CDH4: variants seen among roughly 807,000 people sequenced by gnomAD.
CDH4 encodes cadherin 4.
CDH4 carries 33 observed loss-of-function variants against 86.0 expected under a neutral mutation model. That is an observed-to-expected ratio of 0.38 (90% confidence interval 0.29 to 0.51). The LOEUF (loss-of-function observed/expected upper bound fraction) is 0.51, where lower values mean the gene tolerates loss of function less well. Among genes scored for constraint, CDH4 ranks in the 20% least tolerant of loss-of-function variants. CDH4 has a pLI of 0.86. For missense variants in CDH4, 1,114 were observed against 1,307.4 expected (o/e 0.85, Z 2.28); for synonymous variants, 555 against 549.4 (o/e 1.01, Z -0.14).
chr20:61,752,704 C>T (rs1231406071), intron 3 of CDH4, among the ~76,000 whole-genome samples: 1 of 152,224 alleles, frequency 6.6e-6, no homozygotes, highest in Non-Finnish European at 1.5e-5. Flanking sequence ...AGTGAACAAA[C>T]TGCAGCTAGA....
intron 2 of CDH4, among the ~76,000 whole-genome samples, chr20:61,639,584 C>T (rs879773261): frequency 1.3e-5 from 2 of 152,266 alleles, no homozygotes; most frequent in African/African-American, 4.8e-5. Context: ...TGATGAGACC[C>T]GGAGTGCAAC....
At chr20:61,386,215 G>C (rs1340524521) in intron 2 of CDH4, among the ~76,000 whole-genome samples, 1 of 152,172 alleles carries the variant, frequency 6.6e-6, no homozygotes, top group East Asian at 1.9e-4. Context: ...GCCCCTGTGG[G>C]TGCTGAGCCA....
intron 2 of CDH4, among the ~76,000 whole-genome samples, chr20:61,725,688 C>G (rs1456605372): frequency 6.6e-6 from 1 of 152,018 alleles, no homozygotes; most frequent in Non-Finnish European, 1.5e-5. Context: ...AAGAGTCGCC[C>G]CTACCTCCAC....
At chr20:61,283,402 C>T (rs1289268903) in intron 2 of CDH4, among the ~76,000 whole-genome samples, 3 of 111,258 alleles carry the variant, frequency 2.7e-5, no homozygotes, top group Admixed American at 8.4e-5. Flanking sequence ...TGTGCTGTGG[C>T]GTGTGTGATG....
intron 7 of CDH4, among the ~76,000 whole-genome samples, chr20:61,877,006 G>A: frequency 6.6e-6 from 1 of 152,190 alleles, no homozygotes; most frequent in East Asian, 1.9e-4. Flanking sequence ...ACCTTGGGAG[G>A]GATCAAGAGC....
At chr20:61,497,386 CTA>C (rs2085670349) in intron 2 of CDH4, among the ~76,000 whole-genome samples, 1 of 152,128 alleles carries the variant, frequency 6.6e-6, no homozygotes, top group East Asian at 1.9e-4. Context: ...CCTCTCTGCA[CTA>C]TGTTTCAGGG....
chr20:61,793,564 G>T (rs556148316), intron 4 of CDH4, among the ~76,000 whole-genome samples: 58 of 152,128 alleles, frequency 3.8e-4, no homozygotes, highest in African/African-American at 1.4e-3. Flanking sequence ...GGCTGAGGCC[G>T]GGCGCAGTGG....
intron 4 of CDH4, among the ~76,000 whole-genome samples, chr20:61,838,531 G>T (rs1981980590): frequency 6.6e-6 from 1 of 152,140 alleles, no homozygotes; most frequent in Non-Finnish European, 1.5e-5. Context: ...GCCTCTCTCG[G>T]CCAGGCACGG....
chr20:61,579,998 A>G (rs978430722), intron 2 of CDH4, among the ~76,000 whole-genome samples: 1 of 151,948 alleles, frequency 6.6e-6, no homozygotes, highest in South Asian at 2.1e-4. Context: ...CGCATCCAGC[A>G]CCTTCCCCGC....
chr20:61,896,333 A>G (rs1454262879), intron 8 of CDH4, among the ~76,000 whole-genome samples: 3 of 152,142 alleles, frequency 2.0e-5, no homozygotes, highest in Admixed American at 2.0e-4. Context: ...TGAGAAGGCA[A>G]CTAAGGCCAG....
chr20:61,705,234 C>T (rs1568766856), intron 2 of CDH4, among the ~76,000 whole-genome samples: 1 of 152,180 alleles, frequency 6.6e-6, no homozygotes, highest in Non-Finnish European at 1.5e-5. Context: ...AACTCAAGAC[C>T]CCAGGTGGGG....
In CDH4 at chr20:61,317,060, T is replaced by C. The variant is rs566478341; in HGVS notation, c.169+62123T>C. On this transcript the variant is annotated intron_variant, in intron 2 of 15. Transcript: ENST00000614565. The stretch of plus-strand genomic sequence containing the variant: ...TATATACTTATTATTTTTATTACTA[T>C]TTAGAAATCTGAATACCATGTTCAA... 7.2e-4 allele frequency among the ~76,000 whole-genome samples: 110 copies of C among 152,156 alleles called. 1 individual carries two copies. The highest frequency in any genetic ancestry group is 1.3e-3 in the Non-Finnish European group (86 of 68,004).
chr20:61,652,758 A>G (rs1383147548), intron 2 of CDH4, among the ~76,000 whole-genome samples: 1 of 151,112 alleles, frequency 6.6e-6, no homozygotes, highest in Non-Finnish European at 1.5e-5. Context: ...CCCAAGGGTT[A>G]TACTTAGGAA....
At chr20:61,272,172 T>C (rs2084186914) in intron 2 of CDH4, among the ~76,000 whole-genome samples, 1 of 152,220 alleles carries the variant, frequency 6.6e-6, no homozygotes, top group South Asian at 2.1e-4. Flanking sequence ...CTCAGGATTG[T>C]CAGAGACATG....
rs2084171222 is a variant in CDH4, at chr20:61,269,147, A to G, written c.169+14210A>G. Among the ~76,000 whole-genome samples the G allele has an allele frequency of 6.6e-6, 1 of 152,168 alleles. No individual in the cohort carries two copies. Among genetic ancestry groups the G allele is most frequent in the Non-Finnish European group, 1.5e-5 (1 of 68,016 alleles). On this transcript the variant is annotated intron_variant, in intron 2 of 15. Coordinates refer to ENST00000614565, the MANE Select transcript of CDH4 (RefSeq NM_001794.5). This position sits in a 1 kb window ranked among gnomAD's most constrained non-coding sequence, Gnocchi z 5.3. ...GAGCCCTCCCCATGCCGGGTGCTGC[A>G]CCGTACCAGCTGGGTTCATCTGCAT...
chr20:61,546,574 A>G (rs879752003), intron 2 of CDH4, among the ~76,000 whole-genome samples: 2 of 151,546 alleles, frequency 1.3e-5, no homozygotes, highest in African/African-American at 4.9e-5. Flanking sequence ...GTGCCCAGAA[A>G]TCAGGGCAGG....
intron 2 of CDH4, among the ~76,000 whole-genome samples, chr20:61,258,350 A>AAAAAAG (rs1568770445): frequency 9.3e-5 from 14 of 149,830 alleles, no homozygotes; most frequent in African/African-American, 3.2e-4. Context: ...AAAAAAGAAA[A>AAAAAAG]AAAAAAAAGA....
chr20:61,907,753 C>T (rs1027945064), intron 8 of CDH4, among the ~76,000 whole-genome samples: 24 of 152,238 alleles, frequency 1.6e-4, no homozygotes, highest in Admixed American at 2.6e-4. Context: ...GGCCACCTGG[C>T]TCAGGAACAG....
At chr20:61,633,668 C>G (rs1018357856) in intron 2 of CDH4, among the ~76,000 whole-genome samples, 4 of 152,222 alleles carry the variant, frequency 2.6e-5, no homozygotes, top group Non-Finnish European at 4.4e-5. Flanking sequence ...AGTTGTACAA[C>G]CTTCCTGCAC....
Sources: allele counts gnomAD v4.1 joint callset (sites outside exome capture counted in the v4.1 genomes callset), GRCh38; gene constraint gnomAD v4.1.1; non-coding constraint Gnocchi (gnomAD v3.1); transcripts MANE v1.5; gene names NCBI Gene and HGNC (gene_info 2026-07-23, HGNC 2026-07-21).